Variants in TBC1D5 observed in about 807,000 individuals in gnomAD.
TBC1D5 encodes TBC1 domain family member 5.
In TBC1D5, 75 loss-of-function variants were observed where a neutral mutation model predicts 100.3. That is an observed-to-expected ratio of 0.75 (90% CI 0.62 to 0.91). TBC1D5 has a LOEUF of 0.91. TBC1D5 is among the 40% of genes least tolerant of loss of function. The pLI is 0.00. For missense variants in TBC1D5, 910 were observed against 942.4 expected, an observed-to-expected ratio of 0.97 and a Z score of 0.45; for synonymous variants, 323 against 325.6, an observed-to-expected ratio of 0.99 and a Z score of 0.09.
rs575463077 is a variant in TBC1D5, at chr3:17,556,030, G to T, written c.-35-47425C>A. ...GAAATTGCTGATATTTAATAGTTTG[G>T]TTTTTTTTTTGAGACAGGGTCTCGC... On this transcript the variant is annotated intron_variant, in intron 2 of 21. Transcript: ENST00000253692. Among the ~76,000 whole-genome samples, 6 of 148,568 alleles carry T rather than the reference G, an allele frequency of 4.0e-5. 1 individual carries two copies. Among genetic ancestry groups the T allele is most frequent in the East Asian group, 2.0e-4 (1 of 5,096 alleles).
chr3:17,170,722 T>G (rs931750136), intron 19 of TBC1D5, among the ~76,000 whole-genome samples: 6 of 152,168 alleles, frequency 3.9e-5, no homozygotes, highest in African/African-American at 4.8e-5. Flanking sequence ...CACAAAGCTC[T>G]CTTTAGAGGC....
intron 2 of TBC1D5, among the ~76,000 whole-genome samples, chr3:17,541,022 C>G (rs2096350394): frequency 6.7e-6 from 1 of 148,694 alleles, no homozygotes; most frequent in Admixed American, 6.7e-5. Context: ...GTCTATATGT[C>G]TTCCTTATGC....
At chr3:17,483,442 T>C (rs1421276817) in intron 3 of TBC1D5, among the ~76,000 whole-genome samples, 2 of 152,170 alleles carry the variant, frequency 1.3e-5, no homozygotes, top group African/African-American at 4.8e-5. Context: ...ATCAATTACT[T>C]TTTAGGGGTG....
chr3:17,513,702 T>C (rs893457696), intron 2 of TBC1D5, among the ~76,000 whole-genome samples: 3 of 152,178 alleles, frequency 2.0e-5, no homozygotes, highest in African/African-American at 7.2e-5. Context: ...TACATAAAGA[T>C]TTCTCCTATA....
chr3:17,644,367 A>C (rs2064818343), intron 1 of TBC1D5, among the ~76,000 whole-genome samples: 1 of 152,118 alleles, frequency 6.6e-6, no homozygotes, highest in African/African-American at 2.4e-5. Flanking sequence ...CCCAGAATAC[A>C]CGGAATTATT....
intron 2 of TBC1D5, among the ~76,000 whole-genome samples, chr3:17,558,551 G>A (rs1338633050): frequency 5.9e-5 from 9 of 152,034 alleles, no homozygotes; most frequent in African/African-American, 1.9e-4. Flanking sequence ...AGTTATATAT[G>A]GGAATATTTT....
rs201586955 is a variant in TBC1D5, at chr3:17,310,081, CACA to C, written c.996-1950_996-1948del. On this transcript the variant is annotated intron_variant, in intron 13 of 21. Transcript: ENST00000253692. ...ATTTCATCACAGATAGTGCTTTAAGCACAACAACAAAAAAACCAAAGTAGCCCA... is the reference window on the plus strand; with the variant it reads ...ATTTCATCACAGATAGTGCTTTAAGCACAACAAAAAAACCAAAGTAGCCCA... 4.7e-3 allele frequency among the ~76,000 whole-genome samples: 720 copies of C among 152,144 alleles called. 1 individual carries two copies. Among genetic ancestry groups the C allele is most frequent in the African/African-American group, 0.016 (679 of 41,518 alleles).
At chr3:17,456,179 C>A (rs2095080437) in intron 3 of TBC1D5, among the ~76,000 whole-genome samples, 1 of 151,592 alleles carries the variant, frequency 6.6e-6, no homozygotes, top group Admixed American at 6.6e-5. Flanking sequence ...AATCTAAGAC[C>A]TCAAACTATT....
At chr3:17,236,539 G>A (rs2075869025) in intron 17 of TBC1D5, among the ~76,000 whole-genome samples, 1 of 150,652 alleles carries the variant, frequency 6.6e-6, no homozygotes. Flanking sequence ...AGGCTGGAGT[G>A]CAGTGGCACG....
chr3:17,706,004 G>A, intron 1 of TBC1D5: 1 of 1,480,806 alleles, frequency 6.8e-7, no homozygotes, highest in Non-Finnish European at 9.1e-7. Flanking sequence ...TTGAGACGGA[G>A]TCTTGCTGTC....
chr3:17,512,558 C>A (rs2095924304), intron 2 of TBC1D5, among the ~76,000 whole-genome samples: 1 of 152,140 alleles, frequency 6.6e-6, no homozygotes, highest in African/African-American at 2.4e-5. Context: ...TCAATGGTAT[C>A]TTCCTGTTCC....
At chr3:17,476,890 G>T (rs534537664) in intron 3 of TBC1D5, among the ~76,000 whole-genome samples, 8 of 151,954 alleles carry the variant, frequency 5.3e-5, no homozygotes, top group African/African-American at 1.9e-4. Flanking sequence ...TGGTATATTT[G>T]TAAGTGCGAC....
intron 2 of TBC1D5, among the ~76,000 whole-genome samples, chr3:17,540,533 A>T (rs981238257): frequency 2.0e-5 from 3 of 152,006 alleles, no homozygotes; most frequent in Non-Finnish European, 4.4e-5. Context: ...CATTTTTTAC[A>T]TGTGGCTATC....
intron 2 of TBC1D5, among the ~76,000 whole-genome samples, chr3:17,579,560 G>T (rs1346014415): frequency 6.6e-6 from 1 of 151,994 alleles, no homozygotes; most frequent in Non-Finnish European, 1.5e-5. Context: ...AACAAATTTT[G>T]TATTTCCTAC....
intron 8 of TBC1D5, among the ~76,000 whole-genome samples, chr3:17,391,419 C>T (rs1431857051): frequency 6.6e-6 from 1 of 152,072 alleles, no homozygotes; most frequent in Middle Eastern, 3.2e-3. Context: ...GCCAGAATCT[C>T]CCAGCTATAC....
chr3:17,591,975 G>A (rs904700516), intron 2 of TBC1D5, among the ~76,000 whole-genome samples: 8 of 152,312 alleles, frequency 5.3e-5, no homozygotes, highest in Middle Eastern at 3.4e-3. Context: ...GTAGATTATC[G>A]TAAGCTTAAC....
intron 19 of TBC1D5, among the ~76,000 whole-genome samples, chr3:17,177,831 T>C (rs1339423447): frequency 6.6e-6 from 1 of 152,192 alleles, no homozygotes; most frequent in Non-Finnish European, 1.5e-5. Flanking sequence ...TAATGCATAA[T>C]AATCACACCA....
At chr3:17,483,960 C>T (rs2095529894) in intron 3 of TBC1D5, among the ~76,000 whole-genome samples, 1 of 152,162 alleles carries the variant, frequency 6.6e-6, no homozygotes, top group Non-Finnish European at 1.5e-5. Flanking sequence ...GACATGATAA[C>T]TTTAGGAAAA....
At chr3:17,741,800 A>ATTTTTTTT (rs779385615), upstream of TBC1D5, among the ~76,000 whole-genome samples, 8 of 47,956 alleles carry the variant, frequency 1.7e-4, no homozygotes, top group Admixed American at 5.5e-4. Context: ...CTCCCTGCGA[A>ATTTTTTTT]TTTTTTTTTT....
Sources: gnomAD v4.1 joint callset for allele counts (sites outside exome capture counted in the v4.1 genomes callset) on GRCh38, gnomAD v4.1.1 for gene constraint, MANE v1.5 for transcripts, NCBI Gene and HGNC (gene_info 2026-07-23, HGNC 2026-07-21) for gene names.